ST18: variants seen among roughly 807,000 people sequenced by gnomAD.
ST18 encodes suppression of tumorigenicity 18 protein.
ST18 carries 50 observed loss-of-function variants against 110.0 expected under a neutral mutation model. The observed-to-expected ratio is 0.45, with a 90% CI of 0.36 to 0.58. The LOEUF is 0.58. Ranked by LOEUF, ST18 falls within the 20% of genes least tolerant of loss-of-function variation. ST18 has a pLI of 0.00. For synonymous variants in ST18, 461 were observed against 452.4 expected, an observed-to-expected ratio of 1.02 and a Z score of -0.24; for missense variants, 1,306 against 1,280.1, an observed-to-expected ratio of 1.02 and a Z score of -0.31.
At chr8:52,409,060 C>T (rs1012901511) in intron 2 of ST18, 6 of 152,194 alleles carry the variant, frequency 3.9e-5, no homozygotes, top group African/African-American at 9.7e-5. Flanking sequence ...AACTGTCTGC[C>T]GAGTATCATA....
chr8:52,154,528 G>C (rs186733057), intron 15 of ST18: 2 of 152,258 alleles, frequency 1.3e-5, no homozygotes, highest in Admixed American at 1.3e-4. Context: ...GGAAGAAAAC[G>C]GGAGTGCATC....
Position 52,172,194 on chromosome 8 carries a change from A to G in ST18, c.667T>C (p.Leu223=), listed in dbSNP as rs1028943151. 3 of 1,614,044 alleles carry G rather than the reference A, an allele frequency of 1.9e-6. No individual in the cohort carries two copies. The highest frequency in any genetic ancestry group is 3.3e-5 in the Admixed American group (2 of 59,998). ...TKPPRVPKYV[L]TDHKKDLLEV... Reference sequence around the variant, plus strand: ...AATAGGTCTTTTTTATGATCTGTTAAAACATACTTTGGGACTCTAGGTGGT... The same window carrying G: ...AATAGGTCTTTTTTATGATCTGTTAGAACATACTTTGGGACTCTAGGTGGT... The change falls in exon 10 of 26, where the codon TTA becomes CTA. Residue 223 remains leucine, a synonymous_variant. Coordinates refer to ENST00000689386, the MANE Select transcript of ST18 (RefSeq NM_001352837.2).
chr8:52,193,927 A>G (rs950831582), intron 8 of ST18, among the ~76,000 whole-genome samples: 4 of 152,238 alleles, frequency 2.6e-5, no homozygotes, highest in Admixed American at 6.5e-5. Flanking sequence ...TACTCATGTC[A>G]TAAATTCAGC....
rs370894366 is a variant in ST18 at position 52,270,297 on chromosome 8, A to T, written c.-464-40220T>A. ...GGATGACGTCAACACACTTAATTTC[A>T]TCAAATGTTTGCTCTGTGATAAGCT... On this transcript the variant is annotated intron_variant, in intron 2 of 25. Transcript: ENST00000689386. Among the ~76,000 whole-genome samples the T allele has an allele frequency of 2.0e-5, 3 of 152,286 alleles. No individual in the cohort carries two copies. In the East Asian group the frequency reaches 5.8e-4, roughly 29 times the overall value.
chr8:52,377,431 A>T (rs1832842042), intron 2 of ST18, among the ~76,000 whole-genome samples: 1 of 152,240 alleles, frequency 6.6e-6, no homozygotes, highest in Admixed American at 6.5e-5. Flanking sequence ...GCTCCAAGAT[A>T]TAGTGAAAAG....
At chr8:52,358,968 C>T (rs1486501259) in intron 2 of ST18, among the ~76,000 whole-genome samples, 1 of 151,674 alleles carries the variant, frequency 6.6e-6, no homozygotes, top group African/African-American at 2.4e-5. Context: ...GCAAAAATCC[C>T]CATGAAAATA....
intron 8 of ST18, among the ~76,000 whole-genome samples, chr8:52,195,902 G>A (rs1198079520): frequency 6.6e-6 from 1 of 152,062 alleles, no homozygotes; most frequent in African/African-American, 2.4e-5. Flanking sequence ...TACAAGTATT[G>A]TACTTTATTT....
chr8:52,369,817 T>TA (rs1036150296), intron 2 of ST18, among the ~76,000 whole-genome samples: 5 of 152,144 alleles, frequency 3.3e-5, no homozygotes, highest in Non-Finnish European at 5.9e-5. Context: ...GAGATAATAA[T>TA]AAAAAATAAT....
intron 10 of ST18, 52 bp downstream of exon 10, chr8:52,171,740 T>C (rs947128728): frequency 3.8e-5 from 60 of 1,578,436 alleles, no homozygotes; most frequent in Non-Finnish European, 4.9e-5. Flanking sequence ...GACTTTTTTT[T>C]CAAACCCTAA....
intron 2 of ST18, among the ~76,000 whole-genome samples, chr8:52,231,126 T>C (rs72642762): frequency 1.8e-3 from 270 of 152,356 alleles, no homozygotes; most frequent in Non-Finnish European, 2.0e-3. Context: ...TCTAGATCAT[T>C]GTGGGAAATT....
intron 2 of ST18, among the ~76,000 whole-genome samples, chr8:52,235,973 A>T (rs1450701841): frequency 6.6e-6 from 1 of 152,220 alleles, no homozygotes; most frequent in Non-Finnish European, 1.5e-5. Context: ...CAGGAAATAA[A>T]TAAAAAGATA....
chr8:52,236,514 G>A (rs1289688737), intron 2 of ST18, among the ~76,000 whole-genome samples: 1 of 151,772 alleles, frequency 6.6e-6, no homozygotes, highest in Non-Finnish European at 1.5e-5. Context: ...GGGAGGCTGA[G>A]GCAGGAGAAT....
At chr8:52,145,110 T>G (rs1586881631) in intron 16 of ST18, among the ~76,000 whole-genome samples, 1 of 152,068 alleles carries the variant, frequency 6.6e-6, no homozygotes, top group Admixed American at 6.5e-5. Flanking sequence ...ATTTTATTAT[T>G]TATGGCAAAG....
intron 25 of ST18, 96 bp from the exon 26 acceptor site, chr8:52,113,434 G>T (rs1341711919): frequency 9.6e-6 from 14 of 1,461,150 alleles, no homozygotes; most frequent in African/African-American, 1.4e-5. Flanking sequence ...TCCGGGAGTC[G>T]GGAGGGAAGG....
chr8:52,123,840 C>G (rs1314595886), intron 23 of ST18, among the ~76,000 whole-genome samples: 4 of 152,210 alleles, frequency 2.6e-5, no homozygotes, highest in African/African-American at 4.8e-5. Flanking sequence ...GATGTAATGC[C>G]AGATGACTGT....
intron 2 of ST18, among the ~76,000 whole-genome samples, chr8:52,260,013 G>A (rs1276616268): frequency 6.6e-6 from 1 of 152,146 alleles, no homozygotes; most frequent in East Asian, 1.9e-4. Flanking sequence ...ATCTAACATA[G>A]TGAAGTTTTC....
Position 52,214,270 on chromosome 8 carries a change from C to A in ST18, c.1-13G>T. 1 of 1,613,722 alleles carries A rather than the reference C, an allele frequency of 6.2e-7. No individual in the cohort carries two copies. Among genetic ancestry groups the A allele is most frequent in the East Asian group, 2.2e-5 (1 of 44,876 alleles). The stretch of plus-strand genomic sequence containing the variant: ...CCTCTGCATCCATCTATAACATGAA[C>A]ACAAAGTCCTGAGGTCATTCCTTTG... On this transcript the variant is annotated splice_polypyrimidine_tract_variant and intron_variant, in intron 6 of 25. Coordinates refer to ENST00000689386, the MANE Select transcript of ST18 (RefSeq NM_001352837.2).
chr8:52,231,408 A>T (rs2091308213), intron 2 of ST18, among the ~76,000 whole-genome samples: 1 of 152,236 alleles, frequency 6.6e-6, no homozygotes, highest in East Asian at 1.9e-4. Context: ...TCTCACTGGT[A>T]AGTTCCTGAC....
intron 16 of ST18, among the ~76,000 whole-genome samples, chr8:52,148,483 G>A (rs2057957158): frequency 6.6e-6 from 1 of 152,136 alleles, no homozygotes; most frequent in African/African-American, 2.4e-5. Flanking sequence ...CACATTGTGT[G>A]CCTGTGCGTG....
Sources: allele counts gnomAD v4.1 joint callset (sites outside exome capture counted in the v4.1 genomes callset), GRCh38; gene constraint gnomAD v4.1.1; transcripts MANE v1.5; gene names NCBI Gene and HGNC (gene_info 2026-07-23, HGNC 2026-07-21).